SOX6: variants seen among roughly 807,000 people sequenced by gnomAD.
The protein encoded by SOX6 is transcription factor SOX-6.
In SOX6, 11 loss-of-function variants were observed where a neutral mutation model predicts 97.8. The observed-to-expected ratio is 0.11, with a 90% CI of 0.07 to 0.19. The LOEUF (loss-of-function observed/expected upper bound fraction) is 0.19. SOX6 is among the 10% of genes least tolerant of loss of function. SOX6 has a pLI of 1.00. For synonymous variants in SOX6, 360 were observed against 371.4 expected, an observed-to-expected ratio of 0.97 and a Z score of 0.35; for missense variants, 810 against 1,039.5, an observed-to-expected ratio of 0.78 and a Z score of 3.04.
intron 4 of SOX6, among the ~76,000 whole-genome samples, chr11:16,535,868 C>A (rs1861301136): frequency 6.6e-6 from 1 of 152,176 alleles, no homozygotes; most frequent in Non-Finnish European, 1.5e-5. Flanking sequence ...AACCAATCAA[C>A]AATTCTACCT....
intron 3 of SOX6, among the ~76,000 whole-genome samples, chr11:16,644,192 C>G (rs544250888): frequency 1.3e-5 from 2 of 152,286 alleles, no homozygotes; most frequent in East Asian, 3.9e-4. Context: ...CAGCATGTGC[C>G]ACCACACCTG....
At chr11:16,724,005 A>G (rs1250688408) in intron 2 of SOX6, among the ~76,000 whole-genome samples, 1 of 152,194 alleles carries the variant, frequency 6.6e-6, no homozygotes, top group Non-Finnish European at 1.5e-5. Flanking sequence ...ATTATAATTC[A>G]CATTTGTACT....
Position 16,261,100 on chromosome 11 carries a change from T to G in SOX6, c.446-26429A>C, listed in dbSNP as rs531327609. Among the ~76,000 whole-genome samples, 72 of 152,278 alleles carry G rather than the reference T, an allele frequency of 4.7e-4. No homozygotes were observed. In the South Asian group the frequency reaches 8.5e-3, roughly 18 times the overall value. ...TCAACAGTCCATTGTAATATTATAT[T>G]ACCTAAATCATGACTTTTGTCATAC... On this transcript the variant is annotated intron_variant, in intron 3 of 15. Transcript: ENST00000683767.
chr11:16,103,191 T>G (rs1024912563), intron 7 of SOX6, among the ~76,000 whole-genome samples: 1 of 150,078 alleles, frequency 6.7e-6, no homozygotes, highest in Non-Finnish European at 1.5e-5. Context: ...AAACAAACAA[T>G]CCCATTAAAA....
chr11:16,624,396 C>G (rs971402414), intron 3 of SOX6, among the ~76,000 whole-genome samples: 2 of 151,972 alleles, frequency 1.3e-5, no homozygotes, highest in African/African-American at 4.8e-5. Context: ...CCATGTTGGC[C>G]AGGATGATCT....
At chr11:16,443,526 G>A (rs1035971911) in intron 1 of SOX6, among the ~76,000 whole-genome samples, 1 of 152,016 alleles carries the variant, frequency 6.6e-6, no homozygotes, top group Non-Finnish European at 1.5e-5. Context: ...AGTTTAAAAA[G>A]AAAGCCTCTA....
chr11:16,231,282 A>C (rs1852841569), intron 4 of SOX6, among the ~76,000 whole-genome samples: 1 of 151,806 alleles, frequency 6.6e-6, no homozygotes, highest in Non-Finnish European at 1.5e-5. Context: ...GTTCTTAGAA[A>C]ACACTGAGAA....
At chr11:16,039,344 T>C (rs1030873257) in intron 12 of SOX6, among the ~76,000 whole-genome samples, 2 of 152,120 alleles carry the variant, frequency 1.3e-5, no homozygotes, top group Admixed American at 1.3e-4. Context: ...AAACTTTTAC[T>C]GTGTTTGATC....
intron 1 of SOX6, among the ~76,000 whole-genome samples, chr11:16,363,669 T>C (rs1857267663): frequency 1.3e-5 from 2 of 152,134 alleles, no homozygotes; most frequent in African/African-American, 4.8e-5. Flanking sequence ...GACTACTTGG[T>C]TACTAAAAGT....
chr11:16,173,529 T>A (rs1851097061), intron 6 of SOX6, among the ~76,000 whole-genome samples: 1 of 151,560 alleles, frequency 6.6e-6, no homozygotes, highest in Non-Finnish European at 1.5e-5. Context: ...TGTCTTTGAG[T>A]ATTAAAATTA....
intron 3 of SOX6, among the ~76,000 whole-genome samples, chr11:16,254,817 C>T (rs914111892): frequency 6.6e-6 from 1 of 151,836 alleles, no homozygotes; most frequent in Admixed American, 6.6e-5. Flanking sequence ...ATACACCAAT[C>T]TAAAAACAGA....
intron 4 of SOX6, among the ~76,000 whole-genome samples, chr11:16,498,488 G>C (rs1222425199): frequency 6.6e-6 from 1 of 151,970 alleles, no homozygotes. Flanking sequence ...TGGGCTAAAT[G>C]CTCCAATTAA....
chr11:16,716,621 A>T (rs1303528383), intron 2 of SOX6, among the ~76,000 whole-genome samples: 1 of 152,178 alleles, frequency 6.6e-6, no homozygotes, highest in Non-Finnish European at 1.5e-5. Flanking sequence ...ACATTTATAT[A>T]AAAAATATAC....
chr11:16,567,178 GT>G (rs1428299647), intron 4 of SOX6: 2 of 152,226 alleles, frequency 1.3e-5, no homozygotes, highest in Non-Finnish European at 2.9e-5. Context: ...GTGAAAATGT[GT>G]GGTGGGCTTA....
chr11:16,518,804 T>C (rs1022292027), intron 4 of SOX6, among the ~76,000 whole-genome samples: 5 of 152,224 alleles, frequency 3.3e-5, no homozygotes, highest in Non-Finnish European at 7.4e-5. Flanking sequence ...GCTGTACTTA[T>C]ACCCTTTAAT....
chr11:16,238,644 T>C (rs557971248), intron 3 of SOX6, among the ~76,000 whole-genome samples: 25 of 152,112 alleles, frequency 1.6e-4, no homozygotes, highest in Admixed American at 1.4e-3. Context: ...CAAAAATAAA[T>C]AAACAAATTG....
chr11:16,260,630 C>G (rs1453871961), intron 3 of SOX6, among the ~76,000 whole-genome samples: 2 of 152,180 alleles, frequency 1.3e-5, no homozygotes, highest in Non-Finnish European at 2.9e-5. Flanking sequence ...GACACACTGT[C>G]TACCTGCTCT....
chr11:16,074,532 G>A lies in SOX6; in HGVS notation c.1102-18631C>T, dbSNP rs140118278. Among the ~76,000 whole-genome samples the A allele has an allele frequency of 2.2e-4, 33 of 152,064 alleles. No individual in the cohort carries two copies. In the East Asian group the frequency reaches 5.2e-3, roughly 24 times the overall value. On this transcript the variant is annotated intron_variant, in intron 9 of 15. Transcript: ENST00000683767. ...ACCAGATGTATAAAGAAGAGGTGGCGCCATTTCTACTGAAACTATTTCTAT... is the reference window on the plus strand; with the variant it reads ...ACCAGATGTATAAAGAAGAGGTGGCACCATTTCTACTGAAACTATTTCTAT...
chr11:16,438,218 A>C (rs185312222), intron 1 of SOX6, among the ~76,000 whole-genome samples: 1 of 152,230 alleles, frequency 6.6e-6, no homozygotes, highest in East Asian at 1.9e-4. Flanking sequence ...CATATGTGTC[A>C]ATTTGCTTTG....
Sources: gnomAD v4.1 joint callset for allele counts (sites outside exome capture counted in the v4.1 genomes callset) on GRCh38, gnomAD v4.1.1 for gene constraint, MANE v1.5 for transcripts, NCBI Gene and HGNC (gene_info 2026-07-23, HGNC 2026-07-21) for gene names.